Variants in DPP6 observed in about 807,000 individuals in gnomAD.
The protein encoded by DPP6 is dipeptidyl peptidase like 6.
DPP6 carries 69 observed loss-of-function variants against 122.6 expected under a neutral mutation model. The ratio of observed to expected loss-of-function variants is 0.56; its 90% CI spans 0.46 to 0.69. The LOEUF is 0.69. DPP6 is among the 30% of genes least tolerant of loss of function. The pLI is 0.00. For synonymous variants in DPP6, 418 were observed against 433.1 expected (o/e 0.97, Z 0.43); for missense variants, 928 against 1,116.9 (o/e 0.83, Z 2.41).
Position 154,474,711 on chromosome 7 carries a change from TG to T in DPP6, c.359-225del, listed in dbSNP as rs149370726. Among the ~76,000 whole-genome samples the T allele has an allele frequency of 6.2e-3, 951 of 152,302 alleles. 10 individuals carry two copies. The highest frequency in any genetic ancestry group is 0.022 in the African/African-American group (911 of 41,560). On this transcript the variant is annotated intron_variant, in intron 2 of 25. Coordinates refer to ENST00000377770, the MANE Select transcript of DPP6 (RefSeq NM_130797.4). ...TATGATCACTTACATGCTGCAGGTG[TG>T]GGTGAGAAGGCGTGATGCCGTTCTA...
At chr7:154,045,165 A>G (rs558373777) in intron 1 of DPP6, among the ~76,000 whole-genome samples, 2 of 150,042 alleles carry the variant, frequency 1.3e-5, no homozygotes, top group Non-Finnish European at 3.0e-5. Flanking sequence ...AATGGACTGC[A>G]TTCTTTTTTG....
In DPP6 at chr7:154,061,891, A is replaced by T. The variant is rs1294650917; in HGVS notation, c.243+8828A>T. On this transcript the variant is annotated intron_variant, in intron 1 of 25. Transcript: ENST00000377770. ...CACCCCCCGCGAGGCAGGGACTGAG[A>T]GGCAATCCCTCTTCCCCCCCTGGCT... Among the ~76,000 whole-genome samples, 28 of 124,708 alleles carry T rather than the reference A, an allele frequency of 2.2e-4. 1 individual carries two copies. Among genetic ancestry groups the T allele is most frequent in the African/African-American group, 4.6e-4 (15 of 32,954 alleles). The allele number at this position is 124,708 out of a possible 152,430, so 81.8% of individuals were successfully genotyped here. A position where few individuals can be genotyped will look rare whatever the true frequency, so the allele number is the denominator to read the frequency against.
At chr7:154,342,333 G>A (rs950959450) in intron 1 of DPP6, among the ~76,000 whole-genome samples, 6 of 152,200 alleles carry the variant, frequency 3.9e-5, no homozygotes, top group Non-Finnish European at 7.3e-5. Flanking sequence ...GATTTGAGCC[G>A]GGGATAGGGT....
intron 1 of DPP6, among the ~76,000 whole-genome samples, chr7:154,182,417 A>G (rs746955294): frequency 2.0e-5 from 3 of 152,086 alleles, no homozygotes; most frequent in Non-Finnish European, 4.4e-5. Context: ...ATGCCAGAGG[A>G]AAGAGAGCTC....
intron 1 of DPP6, among the ~76,000 whole-genome samples, chr7:154,359,655 A>G (rs1315251831): frequency 6.6e-6 from 1 of 152,184 alleles, no homozygotes; most frequent in Non-Finnish European, 1.5e-5. Context: ...AATGTCTGGC[A>G]TGGTGAGCCC....
intron 1 of DPP6, among the ~76,000 whole-genome samples, chr7:154,312,147 C>T (rs1256511706): frequency 6.6e-6 from 1 of 152,192 alleles, no homozygotes; most frequent in Non-Finnish European, 1.5e-5. Flanking sequence ...TCTGTTCATT[C>T]TGTGTTCACA....
At chr7:154,412,467 A>G (rs143803612) in intron 1 of DPP6, among the ~76,000 whole-genome samples, 10 of 152,156 alleles carry the variant, frequency 6.6e-5, no homozygotes, top group African/African-American at 2.4e-4. Context: ...ACAGTGCCCT[A>G]TTGGATCAGG....
At chr7:154,371,294 A>C (rs1448215133) in intron 1 of DPP6, among the ~76,000 whole-genome samples, 1 of 142,918 alleles carries the variant, frequency 7.0e-6, no homozygotes, top group Non-Finnish European at 1.5e-5. Context: ...CAGAAGAATC[A>C]CTTGAACCTG....
chr7:154,802,115 T>C (rs1476010748), intron 13 of DPP6, among the ~76,000 whole-genome samples: 1 of 152,132 alleles, frequency 6.6e-6, no homozygotes, highest in East Asian at 1.9e-4. Context: ...TTTGGGGGAC[T>C]CTGCCCTGAG....
rs1035709338 is a variant in DPP6, at chr7:154,875,729, G to C, written c.1884-177G>C. ...CTCCTCTTCCTCCTCACTTTATGGG[G>C]TGTGGATAACACCTGGCTCACCTGC... On this transcript the variant is annotated intron_variant, in intron 19 of 25. Coordinates refer to ENST00000377770, the MANE Select transcript of DPP6 (RefSeq NM_130797.4). The surrounding 1 kb of genome is among the most constrained non-coding windows in gnomAD (Gnocchi z 4.5). Among the ~76,000 whole-genome samples, 3 of 152,190 alleles carry C rather than the reference G, an allele frequency of 2.0e-5. No homozygotes were observed. The highest frequency in any genetic ancestry group is 4.4e-5 in the Non-Finnish European group (3 of 68,030).
intron 3 of DPP6, among the ~76,000 whole-genome samples, chr7:154,477,531 CAA>C (rs34335151): frequency 3.4e-5 from 5 of 148,944 alleles, no homozygotes; most frequent in Non-Finnish European, 7.4e-5. Flanking sequence ...CATTCCATGC[CAA>C]AAAAAAAAAG....
At chr7:154,144,737 A>G (rs188209332) in intron 1 of DPP6, among the ~76,000 whole-genome samples, 1 of 152,266 alleles carries the variant, frequency 6.6e-6, no homozygotes, top group African/African-American at 2.4e-5. Context: ...ACATGATGTC[A>G]TAAGGATGGG....
intron 5 of DPP6, among the ~76,000 whole-genome samples, chr7:154,570,982 C>T (rs1042260842): frequency 2.0e-5 from 3 of 151,490 alleles, no homozygotes; most frequent in African/African-American, 7.3e-5. Flanking sequence ...GCAATGTGTG[C>T]TTATTTACAC....
At chr7:154,274,552 C>T (rs1364447167) in intron 1 of DPP6, among the ~76,000 whole-genome samples, 1 of 152,162 alleles carries the variant, frequency 6.6e-6, no homozygotes, top group Admixed American at 6.5e-5. Flanking sequence ...AGTGTTAGAC[C>T]TTGAATTTTA....
In DPP6 at chr7:154,605,063, C is replaced by A. The variant is rs1274372008; in HGVS notation, c.628-32758C>A. Among the ~76,000 whole-genome samples, 3 of 116,824 alleles carry A rather than the reference C, an allele frequency of 2.6e-5. 1 individual carries two copies. The highest frequency in any genetic ancestry group is 5.4e-5 in the African/African-American group (2 of 36,982). 76.6% of individuals were successfully genotyped at this position (116,824 alleles called of 152,430 possible). A position where few individuals can be genotyped will look rare whatever the true frequency, so the allele number is the denominator to read the frequency against. ...AAGATTAATATAGATCTCTTCTATC[C>A]CTTGTTTTAATTTTCATATTTTGAA... On this transcript the variant is annotated intron_variant, in intron 5 of 25. Transcript: ENST00000377770.
rs561940781 is a variant in DPP6, at chr7:153,989,181, G to T, written c.51+101447G>T. Among the ~76,000 whole-genome samples the T allele has an allele frequency of 2.1e-5, 3 of 144,420 alleles. No individual in the cohort carries two copies. The South Asian group carries it at 7.7e-4, about 37-fold the overall frequency. 94.7% of individuals were successfully genotyped at this position (144,420 alleles called of 152,430 possible). A position where few individuals can be genotyped will look rare whatever the true frequency, so the allele number is the denominator to read the frequency against. On this transcript the variant is annotated intron_variant, in intron 1 of 25. Transcript: ENST00000404039. ...TGTGGGTGAGCGTGTGCGGGAGAGG[G>T]TGTGAGTGTGAGTGGGTGGGTGGGT...
the DPP6 span, among the ~76,000 whole-genome samples, chr7:153,856,887 G>A: frequency 6.6e-6 from 1 of 152,144 alleles, no homozygotes. Context: ...CATAGAATGA[G>A]CTCTGAACCA....
rs1198766966 is a variant in DPP6, at chr7:154,241,870, A to AC, written c.243+188811dup. ...CTGTGTCATCTCTGCTTTTCCACCC[A>AC]CCCCTACCCCAACACTCATCCTACT... is the stretch of plus-strand genomic sequence containing the variant. On this transcript the variant is annotated intron_variant, in intron 1 of 25. Transcript: ENST00000377770. This position sits in a 1 kb window ranked among gnomAD's most constrained non-coding sequence, Gnocchi z 9.0. 6.6e-6 allele frequency among the ~76,000 whole-genome samples: 1 copy of AC among 151,778 alleles called. No homozygotes were observed. Among genetic ancestry groups the AC allele is most frequent in the Non-Finnish European group, 1.5e-5 (1 of 67,936 alleles).
intron 1 of DPP6, among the ~76,000 whole-genome samples, chr7:154,433,428 C>T (rs193091768): frequency 2.6e-5 from 4 of 151,994 alleles, no homozygotes; most frequent in Admixed American, 6.6e-5. Context: ...CTCAGCCTCC[C>T]GAAGTGCTGT....
Sources: gnomAD v4.1 joint callset for allele counts (sites outside exome capture counted in the v4.1 genomes callset) on GRCh38, gnomAD v4.1.1 for gene constraint, Gnocchi (gnomAD v3.1) non-coding constraint, MANE v1.5 for transcripts, NCBI Gene and HGNC (gene_info 2026-07-23, HGNC 2026-07-21) for gene names.